The following FLNB variants were observed in gnomAD, a reference collection of about 807,000 sequenced individuals.
The protein encoded by FLNB is filamin B.
FLNB carries 111 observed loss-of-function variants against 250.6 expected under a neutral mutation model. That is an observed-to-expected ratio of 0.44 (90% CI 0.38 to 0.52). The LOEUF is 0.52. Ranked by LOEUF, FLNB falls within the 20% of genes least tolerant of loss-of-function variation. The probability of loss-of-function intolerance (pLI) is 0.00; values close to 1 mark genes in which losing one functional copy is unlikely to be tolerated. For synonymous variants in FLNB, 1,302 were observed against 1,372.1 expected (o/e 0.95, Z 1.13); for missense variants, 2,869 against 3,447.8 (o/e 0.83, Z 4.20).
In FLNB at chr3:58,133,439, A is replaced by C. The variant is rs1302994129; in HGVS notation, c.4514+508A>C. ...TAGACCCTCCCCTGACATCTCTGGA[A>C]AAAAAAAAAAAAAAAAAAAAAAAAA... On this transcript the variant is annotated intron_variant, in intron 26 of 45. Transcript: ENST00000295956. 5.6e-5 allele frequency among the ~76,000 whole-genome samples: 3 copies of C among 53,308 alleles called. No homozygotes were observed. The African/African-American group carries it at 9.2e-4, about 16-fold the overall frequency. The allele number at this position is 53,308 out of a possible 152,430, so 35.0% of individuals were successfully genotyped here.
intron 1 of FLNB, among the ~76,000 whole-genome samples, chr3:58,030,499 C>G (rs1482822053): frequency 6.6e-6 from 1 of 152,142 alleles, no homozygotes; most frequent in Non-Finnish European, 1.5e-5. Context: ...TCAGGCCTTC[C>G]CAGAGCCAGG....
chr3:58,017,795 T>G (rs1238265722), intron 1 of FLNB, among the ~76,000 whole-genome samples: 1 of 152,206 alleles, frequency 6.6e-6, no homozygotes, highest in Non-Finnish European at 1.5e-5. Flanking sequence ...CCAGATCCCA[T>G]GCAGTAGAAT....
At chr3:58,113,739 C>T (rs1383494668) in intron 18 of FLNB, among the ~76,000 whole-genome samples, 2 of 152,130 alleles carry the variant, frequency 1.3e-5, no homozygotes, top group African/African-American at 2.4e-5. Flanking sequence ...AGTGCAGTGG[C>T]ATGATCTCAG....
rs1477068004 is a variant in FLNB at position 58,149,941 on chromosome 3, C to T, written c.6183C>T (p.Tyr2061=). 6.2e-7 allele frequency: 1 copy of T among 1,614,254 alleles called. No individual in the cohort carries two copies. The highest frequency in any genetic ancestry group is 8.5e-7 in the Non-Finnish European group (1 of 1,180,052). ...DLEDGTCKVS[Y]FPTVPGVYIV... ...AAGATGGCACCTGCAAAGTCTCCTA[C>T]TTCCCTACCGTGCCTGGGGTTTATA... Residue 2061 remains tyrosine (Y), a synonymous_variant, in exon 37 of 46, where the codon TAC becomes TAT. Coordinates refer to ENST00000295956, the MANE Select transcript of FLNB (RefSeq NM_001457.4).
chr3:58,143,140 C>T (rs2097329808), intron 31 of FLNB, among the ~76,000 whole-genome samples: 2 of 152,168 alleles, frequency 1.3e-5, no homozygotes, highest in African/African-American at 4.8e-5. Context: ...TCCCCTCAGC[C>T]TCTTTTCAAT....
At chr3:58,044,069 G>A (rs1386559882) in intron 1 of FLNB, among the ~76,000 whole-genome samples, 1 of 152,204 alleles carries the variant, frequency 6.6e-6, no homozygotes, top group African/African-American at 2.4e-5. Context: ...TTCACTCGGT[G>A]TAGCCATAGG....
intron 29 of FLNB, among the ~76,000 whole-genome samples, chr3:58,139,514 C>T (rs1386973106): frequency 1.3e-5 from 2 of 152,182 alleles, no homozygotes; most frequent in Admixed American, 6.5e-5. Context: ...GACTTTCTTC[C>T]GAACAGTCTA....
rs150348065 is a variant in FLNB at position 58,008,468 on chromosome 3, C to G, written c.-97C>G. The G allele has an allele frequency of 7.0e-7, 1 of 1,429,864 alleles. No homozygotes were observed. Among genetic ancestry groups the G allele is most frequent in the Non-Finnish European group, 9.6e-7 (1 of 1,040,154 alleles). The allele number at this position is 1,429,864 out of a possible 1,614,324, so 88.6% of individuals were successfully genotyped here. On this transcript the variant is annotated 5_prime_UTR_variant, in exon 1 of 46. Coordinates refer to ENST00000295956, the MANE Select transcript of FLNB (RefSeq NM_001457.4). ...CCGGTAGCAGCAAGTTCGAACCCCG[C>G]TCCCGCTCCGCTTCGGTTCTCGCTC...
chr3:58,149,073 G>C (rs1209098982), intron 36 of FLNB, among the ~76,000 whole-genome samples: 1 of 152,086 alleles, frequency 6.6e-6, no homozygotes, highest in Non-Finnish European at 1.5e-5. Flanking sequence ...AAGGTTTAGA[G>C]CCCCCTCTGC....
chr3:58,130,607 C>T lies in FLNB; in HGVS notation c.4223-134C>T, dbSNP rs149559407. 91 of 786,236 alleles carry T rather than the reference C, an allele frequency of 1.2e-4. No homozygotes were observed. In the East Asian group the frequency reaches 2.4e-3, roughly 21 times the overall value. 48.7% of individuals were successfully genotyped at this position (786,236 alleles called of 1,614,324 possible). ...AATGAGTAGGCACATGAGCAGTGCA[C>T]ACAGTGAGGCAGGGGGAGCTGACCG... On this transcript the variant is annotated intron_variant, in intron 24 of 45. Transcript: ENST00000295956.
At chr3:58,125,531 A>T (rs368233528) in intron 22 of FLNB, 50 bp from the exon 23 acceptor site, 28 of 1,597,990 alleles carry the variant, frequency 1.8e-5, no homozygotes, top group Non-Finnish European at 2.4e-5. Context: ...ATTTTTCACA[A>T]ATAGGGGATT....
chr3:58,137,147 A>G (rs1002790038), intron 28 of FLNB, among the ~76,000 whole-genome samples: 1 of 152,232 alleles, frequency 6.6e-6, no homozygotes, highest in Non-Finnish European at 1.5e-5. Flanking sequence ...GACTAAACAC[A>G]GGACCACCCT....
rs540165915 is a variant in FLNB, at chr3:58,103,851, G to A, written c.1484-108G>A. 1.9e-3 allele frequency: 2,595 copies of A among 1,373,638 alleles called. 6 individuals carry two copies. Among genetic ancestry groups the A allele is most frequent in the Non-Finnish European group, 2.4e-3 (2,321 of 972,804 alleles). 85.1% of individuals were successfully genotyped at this position (1,373,638 alleles called of 1,614,324 possible). On this transcript the variant is annotated intron_variant, in intron 9 of 45. Coordinates refer to ENST00000295956, the MANE Select transcript of FLNB (RefSeq NM_001457.4). ...CTGGGGCAGCCCACTTGGTTTTTATGTATGGTTTATGTTTTGTTCAGTGTG... is the reference window on the plus strand; with the variant it reads ...CTGGGGCAGCCCACTTGGTTTTTATATATGGTTTATGTTTTGTTCAGTGTG...
intron 36 of FLNB, chr3:58,149,228 C>T (rs71311839): frequency 0.055 from 16,900 of 305,332 alleles, 591 homozygotes; most frequent in Middle Eastern, 0.12. Context: ...CTGAGCAGAG[C>T]TTTTGTGGAA....
chr3:58,102,557 C>T (rs2097252853), intron 9 of FLNB, among the ~76,000 whole-genome samples: 2 of 152,336 alleles, frequency 1.3e-5, no homozygotes, highest in Middle Eastern at 3.4e-3. Flanking sequence ...CTTTACATTA[C>T]ATCAAGACTT....
At chr3:58,165,482 T>C (rs903060973) in intron 43 of FLNB, 1 of 152,254 alleles carries the variant, frequency 6.6e-6, no homozygotes, top group African/African-American at 2.4e-5. Context: ...ATTACACAGC[T>C]GCAGTGTGCA....
At chr3:58,038,376 T>TTTTTGGCACCAAGTCAAGACTGAG (rs2097141136) in intron 1 of FLNB, among the ~76,000 whole-genome samples, 1 of 152,038 alleles carries the variant, frequency 6.6e-6, no homozygotes. Context: ...TGCTGACGTC[T>TTTTTGGCACCAAGTCAAGACTGAG]TTTTGGCACC....
intron 1 of FLNB, among the ~76,000 whole-genome samples, chr3:58,016,667 C>T (rs908718051): frequency 2.0e-5 from 3 of 151,944 alleles, no homozygotes; most frequent in African/African-American, 4.8e-5. Flanking sequence ...TGGAGGCTCC[C>T]GTGAAGGTTT....
chr3:58,028,938 T>G (rs2097127108), intron 1 of FLNB, among the ~76,000 whole-genome samples: 1 of 151,818 alleles, frequency 6.6e-6, no homozygotes, highest in Non-Finnish European at 1.5e-5. Context: ...ATAAATTAGC[T>G]GGGTATGGTG....
Sources: gnomAD v4.1 joint callset for allele counts (sites outside exome capture counted in the v4.1 genomes callset) on GRCh38, gnomAD v4.1.1 for gene constraint, MANE v1.5 for transcripts, NCBI Gene and HGNC (gene_info 2026-07-23, HGNC 2026-07-21) for gene names.